The following ACACB variants were observed in gnomAD, a reference collection of about 807,000 sequenced individuals.
ACACB encodes acetyl-CoA carboxylase beta, also known as acetyl-CoA carboxylase 2.
A neutral mutation model predicts 278.8 loss-of-function variants in ACACB; 209 were observed. The observed-to-expected ratio is 0.75, with a 90% confidence interval of 0.67 to 0.84. The LOEUF (loss-of-function observed/expected upper bound fraction) is 0.84. Among genes scored for constraint, ACACB ranks in the 40% least tolerant of loss-of-function variants. The probability of loss-of-function intolerance (pLI) is 0.00; values close to 1 mark genes in which losing one functional copy is unlikely to be tolerated. For missense variants in ACACB, 2,850 were observed against 3,269.0 expected, an observed-to-expected ratio of 0.87 and a Z score of 3.13; for synonymous variants, 1,174 against 1,285.6, an observed-to-expected ratio of 0.91 and a Z score of 1.86.
At chr12:109,135,300 T>C (rs1007165822) in intron 1 of ACACB, among the ~76,000 whole-genome samples, 5 of 152,186 alleles carry the variant, frequency 3.3e-5, no homozygotes, top group Non-Finnish European at 7.3e-5. Flanking sequence ...TTTCATCTAT[T>C]TATTGACCAT....
At chr12:109,118,412 C>CTTTTTTT (rs59488592) in intron 1 of ACACB, among the ~76,000 whole-genome samples, 2 of 129,380 alleles carry the variant, frequency 1.5e-5, no homozygotes, top group Non-Finnish European at 1.6e-5. Context: ...TGACCTTGTT[C>CTTTTTTT]TTTTTTTTTT....
chr12:109,155,268 A>T (rs955254889), intron 2 of ACACB, among the ~76,000 whole-genome samples: 1 of 152,130 alleles, frequency 6.6e-6, no homozygotes, highest in African/African-American at 2.4e-5. Flanking sequence ...CCAGAAGCTG[A>T]TGGTTGTGGA....
chr12:109,142,660 G>A (rs555466395), intron 2 of ACACB, among the ~76,000 whole-genome samples: 9 of 152,170 alleles, frequency 5.9e-5, no homozygotes, highest in East Asian at 3.9e-4. Context: ...TCTGCCTCCC[G>A]GGTTCAAGCA....
At chr12:109,176,801 G>A (rs2044296668) in intron 9 of ACACB, among the ~76,000 whole-genome samples, 1 of 152,118 alleles carries the variant, frequency 6.6e-6, no homozygotes, top group Non-Finnish European at 1.5e-5. Flanking sequence ...CTTTTTAGTA[G>A]AGACAGAGTT....
intron 1 of ACACB, among the ~76,000 whole-genome samples, chr12:109,117,367 A>C (rs2042430878): frequency 6.6e-6 from 1 of 151,916 alleles, no homozygotes; most frequent in South Asian, 2.1e-4. Flanking sequence ...CTCAAAAAAA[A>C]AAAAAAAGAA....
chr12:109,219,615 A>G (rs1055163194), intron 24 of ACACB, among the ~76,000 whole-genome samples: 2 of 152,196 alleles, frequency 1.3e-5, no homozygotes, highest in Non-Finnish European at 2.9e-5. Flanking sequence ...ATGTGCGAAA[A>G]TAGTGTAAAG....
In ACACB at chr12:109,265,185, A is replaced by G. The variant is rs1403865212; in HGVS notation, c.7018A>G (p.Lys2340Glu). ...LRRLLLEDQV[K>E]QEILQASGEL... is the part of the protein sequence containing the mutation. ...CCGCCTCCTCCTGGAGGACCAGGTC[A>G]AGCAGGAGATCCTGCAGGCCAGCGG... The change falls in exon 51 of 53, where the codon AAG becomes GAG. Residue 2340 changes from lysine (K) to glutamate (E), a missense_variant. Physicochemically the swap from Lys to Glu is moderately conservative, Grantham distance 56. This residue lies in a region of ACACB where 579 missense variants were observed against 684.6 expected (regional missense o/e 0.85). Coordinates refer to ENST00000338432, the MANE Select transcript of ACACB (RefSeq NM_001093.4). 1.2e-6 allele frequency: 2 copies of G among 1,613,880 alleles called. No individual in the cohort carries two copies. Among genetic ancestry groups the G allele is most frequent in the South Asian group, 2.2e-5 (2 of 91,086 alleles).
In ACACB at chr12:109,174,134, C is replaced by T; in HGVS notation, c.1120C>T (p.Pro374Ser). 6.2e-7 allele frequency: 1 copy of T among 1,610,398 alleles called. No individual in the cohort carries two copies. The highest frequency in any genetic ancestry group is 8.5e-7 in the Non-Finnish European group (1 of 1,178,596). The change falls in exon 7 of 53, where the codon CCT becomes TCT. Residue 374 changes from proline (P) to serine (S), a missense_variant and splice_region_variant. Transcript: ENST00000338432. Reference sequence around the variant, plus strand: ...CCTTCTTGTCCCCGATTCCTCAGGCCCTCCCAGTGAGGCCATGTGGGCCTT... The same window carrying T: ...CCTTCTTGTCCCCGATTCCTCAGGCTCTCCCAGTGAGGCCATGTGGGCCTT... ...LCKNGVAFLG[P>S]PSEAMWALGD...
Position 109,185,705 on chromosome 12 carries a change from A to C in ACACB, c.1945A>C (p.Ile649Leu). 1.9e-6 allele frequency: 3 copies of C among 1,611,560 alleles called. No homozygotes were observed. Among genetic ancestry groups the C allele is most frequent in the African/African-American group, 2.7e-5 (2 of 74,846 alleles). Residue 649 changes from isoleucine (I) to leucine (L), a missense_variant, in exon 12 of 53, where the codon ATT (isoleucine) becomes CTT (leucine). Ile to Leu is a conservative substitution (Grantham distance 5). Transcript: ENST00000338432. ...SNPPLARGHV[I>L]AARITSENPD... The stretch of plus-strand genomic sequence containing the variant: ...CCCTCCCCTCGCCCGAGGCCACGTC[A>C]TTGCCGCCAGAATCACCAGCGAAAA...
chr12:109,262,623 GTTTGT>G (rs1555237470), intron 49 of ACACB, among the ~76,000 whole-genome samples, 154 bp downstream of exon 49: 1 of 152,058 alleles, frequency 6.6e-6, no homozygotes, highest in South Asian at 2.1e-4. Context: ...ACATTTGTCT[GTTTGT>G]TTTGTTTTGT....
intron 46 of ACACB, 58 bp downstream of exon 46, chr12:109,258,422 T>C: frequency 6.9e-7 from 1 of 1,448,006 alleles, no homozygotes; most frequent in Non-Finnish European, 9.5e-7. Flanking sequence ...CGAGAGTGGG[T>C]CCTGGGCGTG....
chr12:109,206,738 C>T lies in ACACB; in HGVS notation c.2942C>T (p.Ala981Val), dbSNP rs2045528305. 3.7e-6 allele frequency: 6 copies of T among 1,614,124 alleles called. No homozygotes were observed. The East Asian group carries it at 1.3e-4, about 36-fold the overall frequency. ...PAEPFTGELPAQQTLPILGEK... is the reference protein window; with the variant it reads ...PAEPFTGELPVQQTLPILGEK... ...GAACCGTTCACAGGAGAACTCCCTG[C>T]CCAGCAGACACTGCCCATCCTCGGA... Residue 981 changes from alanine to valine, a missense_variant, in exon 20 of 53, where the codon GCC becomes GTC. Around this residue, in one of 3 missense-constraint regions of ACACB, gnomAD observed 2,265 missense variants for 2,561.3 expected, o/e 0.88. Coordinates refer to ENST00000338432, the MANE Select transcript of ACACB (RefSeq NM_001093.4).
At chr12:109,237,406 C>T in intron 34 of ACACB, 26 bp downstream of exon 34, 1 of 1,592,534 alleles carries the variant, frequency 6.3e-7, no homozygotes, top group South Asian at 1.1e-5. Flanking sequence ...GCATTTCTTC[C>T]TCTCTCAGAA....
rs758059299 is a variant in ACACB, at chr12:109,171,863, C to T, written c.984C>T (p.Asn328=). Residue 328 remains asparagine, a synonymous_variant, in exon 5 of 53, where the codon AAC becomes AAT. Coordinates refer to ENST00000338432, the MANE Select transcript of ACACB (RefSeq NM_001093.4). ...TCCCAGGAGGGCCCAATAACAACAA[C>T]TATGCCAACGTGGAGCTGATTGTGG... ...VPVPGGPNNN[N]YANVELIVDI... is the part of the protein sequence containing the mutation. 3.7e-5 allele frequency: 59 copies of T among 1,614,052 alleles called. No homozygotes were observed. Among genetic ancestry groups the T allele is most frequent in the Non-Finnish European group, 4.7e-5 (56 of 1,180,030 alleles).
At chr12:109,125,240 A>G (rs545286084) in intron 1 of ACACB, 1 of 152,042 alleles carries the variant, frequency 6.6e-6, no homozygotes, top group Admixed American at 6.6e-5. Flanking sequence ...AGATATTTTG[A>G]TGTGTTTCAA....
At chr12:109,260,334 T>C (rs2136832602) in intron 47 of ACACB, 146 bp from the exon 48 acceptor site, 3 of 1,145,298 alleles carry the variant, frequency 2.6e-6, no homozygotes, top group Admixed American at 2.0e-5. Flanking sequence ...ACTTAGAGAG[T>C]GATCAGTACT....
At chr12:109,202,154 C>G (rs1252994272) in intron 19 of ACACB, among the ~76,000 whole-genome samples, 1 of 152,110 alleles carries the variant, frequency 6.6e-6, no homozygotes, top group Non-Finnish European at 1.5e-5. Context: ...TGAGGGCATT[C>G]TTGACCATTG....
Position 109,246,455 on chromosome 12 carries a change from C to T in ACACB, c.5571+7C>T, listed in dbSNP as rs768858916. The T allele has an allele frequency of 1.7e-5, 27 of 1,606,284 alleles. No individual in the cohort carries two copies. In the East Asian group the frequency reaches 4.0e-4, roughly 24 times the overall value. ...CCCAGAAGACCCCCACAAAGTACGTCGTGAAACTGGCGGGGCAGGGTGATT... is the reference window on the plus strand; with the variant it reads ...CCCAGAAGACCCCCACAAAGTACGTTGTGAAACTGGCGGGGCAGGGTGATT... On this transcript the variant is annotated splice_region_variant and intron_variant, in intron 39 of 52. Coordinates refer to ENST00000338432, the MANE Select transcript of ACACB (RefSeq NM_001093.4).
intron 2 of ACACB, among the ~76,000 whole-genome samples, chr12:109,154,086 G>T (rs1338941980): frequency 1.3e-5 from 2 of 152,218 alleles, no homozygotes; most frequent in African/African-American, 2.4e-5. Flanking sequence ...CAATAAGATT[G>T]CCACGAGGAT....
Sources: allele counts gnomAD v4.1 joint callset (sites outside exome capture counted in the v4.1 genomes callset), GRCh38; gene constraint gnomAD v4.1.1; regional missense constraint gnomAD v4.1.1; transcripts MANE v1.5; gene names NCBI Gene and HGNC (gene_info 2026-07-23, HGNC 2026-07-21).